Variants in RARB observed in about 807,000 individuals in gnomAD.
The protein encoded by RARB is retinoic acid receptor beta.
In RARB, 17 loss-of-function variants were observed where a neutral mutation model predicts 51.9. The observed-to-expected ratio is 0.33, with a 90% CI of 0.22 to 0.49. The LOEUF (loss-of-function observed/expected upper bound fraction) is 0.49. Ranked by LOEUF, RARB falls within the 20% of genes least tolerant of loss-of-function variation. The pLI is 0.99. For missense variants in RARB, 369 were observed against 550.8 expected (o/e 0.67, Z 3.30); for synonymous variants, 215 against 195.4 (o/e 1.10, Z -0.84).
At chr3:25,123,198 G>A (rs772731323) in intron 3 of RARB, among the ~76,000 whole-genome samples, 1 of 152,158 alleles carries the variant, frequency 6.6e-6, no homozygotes, top group African/African-American at 2.4e-5. Context: ...TCATTGACAG[G>A]TTTGTCTGTG....
chr3:25,165,765 T>A (rs1483545199), intron 4 of RARB, among the ~76,000 whole-genome samples: 5 of 152,180 alleles, frequency 3.3e-5, no homozygotes, highest in Admixed American at 3.3e-4. Flanking sequence ...ATGTAACAAC[T>A]TTGGGTTGAG....
At chr3:24,858,557 TG>T (rs1312053746) in intron 1 of RARB, 1 of 152,198 alleles carries the variant, frequency 6.6e-6, no homozygotes, top group Non-Finnish European at 1.5e-5. Flanking sequence ...CGGTTAACTA[TG>T]TCACGTCATG....
intron 5 of RARB, among the ~76,000 whole-genome samples, chr3:25,191,904 C>T (rs1031871576): frequency 5.3e-5 from 8 of 152,076 alleles, no homozygotes; most frequent in African/African-American, 1.9e-4. Flanking sequence ...CGTAAGTTTT[C>T]CTTTAATGTA....
chr3:25,213,013 C>G (rs1184210675), intron 5 of RARB, among the ~76,000 whole-genome samples: 1 of 152,166 alleles, frequency 6.6e-6, no homozygotes, highest in African/African-American at 2.4e-5. Context: ...AGGTTTTCTT[C>G]CAAATTCGCG....
intron 5 of RARB, 77 bp downstream of exon 5, chr3:25,580,799 G>A (rs1435403086): frequency 1.4e-6 from 2 of 1,411,412 alleles, no homozygotes; most frequent in Admixed American, 2.1e-5. Context: ...GGGACCAAGA[G>A]ACATTGAAGA....
chr3:25,307,056 T>C (rs917492568), intron 5 of RARB, among the ~76,000 whole-genome samples: 4 of 152,162 alleles, frequency 2.6e-5, no homozygotes, highest in African/African-American at 9.7e-5. Context: ...AAAACACTCA[T>C]GATACCTATT....
intron 2 of RARB, among the ~76,000 whole-genome samples, chr3:24,933,439 G>C (rs1054188959): frequency 3.9e-5 from 6 of 152,066 alleles, no homozygotes; most frequent in Non-Finnish European, 7.4e-5. Context: ...TTTTCAAGAA[G>C]TCAGTTTAAA....
intron 4 of RARB, among the ~76,000 whole-genome samples, chr3:25,138,147 A>G (rs1048225367): frequency 6.6e-6 from 1 of 152,164 alleles, no homozygotes; most frequent in Non-Finnish European, 1.5e-5. Flanking sequence ...GCCTGCATTT[A>G]AAGCAATTCC....
chr3:25,324,653 C>G (rs322666), intron 5 of RARB: 147,680 of 169,946 alleles, frequency 0.87, 64,471 homozygotes, highest in East Asian at 1. Flanking sequence ...TGGAGGGAAA[C>G]CCTTTGTGAG....
At chr3:25,254,482 G>A (rs1043160312) in intron 5 of RARB, among the ~76,000 whole-genome samples, 1 of 152,090 alleles carries the variant, frequency 6.6e-6, no homozygotes, top group Non-Finnish European at 1.5e-5. Context: ...GCTGAAAAAT[G>A]CATCAAGAAT....
At chr3:25,384,836 C>T (rs1474868182) in intron 5 of RARB, among the ~76,000 whole-genome samples, 1 of 152,174 alleles carries the variant, frequency 6.6e-6, no homozygotes, top group Admixed American at 6.5e-5. Context: ...AAATTCTGTT[C>T]GTTCAGAAAG....
At chr3:25,314,805 GA>G (rs1193376283) in intron 5 of RARB, among the ~76,000 whole-genome samples, 1 of 152,170 alleles carries the variant, frequency 6.6e-6, no homozygotes, top group African/African-American at 2.4e-5. Context: ...CCCAGGTGGT[GA>G]GCGTAGTACC....
At chr3:25,119,095 T>A (rs1049412384) in intron 3 of RARB, among the ~76,000 whole-genome samples, 3 of 152,168 alleles carry the variant, frequency 2.0e-5, no homozygotes, top group African/African-American at 7.2e-5. Flanking sequence ...ATCTTTATTA[T>A]TTTTTCATTA....
intron 1 of RARB, among the ~76,000 whole-genome samples, chr3:25,447,305 G>A (rs1448125378): frequency 2.0e-5 from 3 of 151,958 alleles, no homozygotes; most frequent in Non-Finnish European, 4.4e-5. Context: ...AGTCAAGGCC[G>A]CCAAAATCTT....
intron 2 of RARB, among the ~76,000 whole-genome samples, chr3:24,980,420 A>T (rs1476114337): frequency 6.6e-6 from 1 of 152,102 alleles, no homozygotes; most frequent in Non-Finnish European, 1.5e-5. Flanking sequence ...TCAAATGTAG[A>T]TTTGGTCTTT....
At chr3:25,239,861 A>G (rs1702388975) in intron 5 of RARB, among the ~76,000 whole-genome samples, 1 of 152,084 alleles carries the variant, frequency 6.6e-6, no homozygotes, top group African/African-American at 2.4e-5. Context: ...ATTGCACTGA[A>G]TCTGTAAGTT....
intron 5 of RARB, among the ~76,000 whole-genome samples, chr3:25,266,808 G>A (rs1286821351): frequency 6.6e-6 from 1 of 152,222 alleles, no homozygotes; most frequent in African/African-American, 2.4e-5. Flanking sequence ...AGGAAACAGT[G>A]AGCAGGCAGC....
At chr3:25,586,049 G>A (rs140974385) in intron 5 of RARB, among the ~76,000 whole-genome samples, 2,515 of 152,200 alleles carry the variant, frequency 0.017, 33 homozygotes, top group Middle Eastern at 0.037. Flanking sequence ...AATTCTAGCC[G>A]CCCATCTGGC....
chr3:25,491,838 G>A (rs571306994), intron 2 of RARB, among the ~76,000 whole-genome samples: 4 of 152,184 alleles, frequency 2.6e-5, no homozygotes, highest in Non-Finnish European at 5.9e-5. Flanking sequence ...CTACTCGGAA[G>A]GCTGAGGCAC....
Sources: allele counts gnomAD v4.1 joint callset (sites outside exome capture counted in the v4.1 genomes callset), GRCh38; gene constraint gnomAD v4.1.1; transcripts MANE v1.5; gene names NCBI Gene and HGNC (gene_info 2026-07-23, HGNC 2026-07-21).